Variants in UCHL3 observed in about 807,000 individuals in gnomAD.
UCHL3 encodes ubiquitin carboxyl-terminal hydrolase isozyme L3.
A neutral mutation model predicts 35.8 loss-of-function variants in UCHL3; 22 were observed. The ratio of observed to expected loss-of-function variants is 0.61; its 90% CI spans 0.44 to 0.88. UCHL3 has a LOEUF of 0.88. Ranked by LOEUF, UCHL3 falls within the 40% of genes least tolerant of loss-of-function variation. UCHL3 has a pLI of 0.00. For missense variants in UCHL3, 229 were observed against 276.9 expected, an observed-to-expected ratio of 0.83 and a Z score of 1.23; for synonymous variants, 90 against 92.8, an observed-to-expected ratio of 0.97 and a Z score of 0.17.
intron 3 of UCHL3, among the ~76,000 whole-genome samples, chr13:75,562,892 T>G (rs1021043126): frequency 1.3e-5 from 2 of 152,172 alleles, no homozygotes; most frequent in African/African-American, 4.8e-5. Context: ...TATAATAACA[T>G]GTAAGTAGAG....
chr13:75,590,145 C>A (rs1468927027), intron 6 of UCHL3: 2 of 1,294,178 alleles, frequency 1.5e-6, no homozygotes, highest in African/African-American at 1.5e-5. Context: ...TTTAGTCAAT[C>A]TTCCGTCTCT....
intron 2 of UCHL3, among the ~76,000 whole-genome samples, chr13:75,550,414 C>A (rs1187255064): frequency 2.6e-5 from 4 of 152,192 alleles, no homozygotes; most frequent in African/African-American, 9.7e-5. Context: ...GTAATTTCAT[C>A]CACCGCCTGC....
At chr13:75,555,617 T>TATA (rs8192739) in intron 2 of UCHL3, among the ~76,000 whole-genome samples, 109,520 of 151,266 alleles carry the variant, frequency 0.72, 42,664 homozygotes, top group Middle Eastern at 0.89. Flanking sequence ...AATTTTTTAT[T>TATA]ATAATAATAT....
At chr13:75,598,017 T>C (rs1187738115) in intron 7 of UCHL3, among the ~76,000 whole-genome samples, 2 of 152,204 alleles carry the variant, frequency 1.3e-5, no homozygotes, top group African/African-American at 2.4e-5. Flanking sequence ...CTTGTGGATA[T>C]AGAGTAGAGC....
chr13:75,594,164 A>G (rs2032582810), intron 6 of UCHL3, among the ~76,000 whole-genome samples: 1 of 152,230 alleles, frequency 6.6e-6, no homozygotes, highest in Non-Finnish European at 1.5e-5. Flanking sequence ...TGCCTTAGAA[A>G]TGTAGATATT....
At chr13:75,597,580 A>T (rs1436548967) in intron 7 of UCHL3, among the ~76,000 whole-genome samples, 1 of 152,200 alleles carries the variant, frequency 6.6e-6, no homozygotes, top group Admixed American at 6.5e-5. Flanking sequence ...ATTATGTATG[A>T]TAAGTAATCT....
At chr13:75,595,022 G>T in intron 7 of UCHL3, 32 bp downstream of exon 7, 2 of 1,501,794 alleles carry the variant, frequency 1.3e-6, no homozygotes, top group Non-Finnish European at 1.8e-6. Context: ...CCTGGGGAGA[G>T]AAATGGTAAA....
chr13:75,587,578 T>TA (rs747567254), intron 6 of UCHL3, among the ~76,000 whole-genome samples: 1 of 152,118 alleles, frequency 6.6e-6, no homozygotes, highest in Non-Finnish European at 1.5e-5. Context: ...GAAAAAAAGT[T>TA]ATGTAGAAAA....
At chr13:75,577,901 A>G (rs141609949) in intron 6 of UCHL3, among the ~76,000 whole-genome samples, 46 of 151,308 alleles carry the variant, frequency 3.0e-4, no homozygotes, top group African/African-American at 1.1e-3. Flanking sequence ...CAGCCCAGAT[A>G]TGGGTAGAGA....
chr13:75,582,667 A>G (rs1353384529), intron 6 of UCHL3, among the ~76,000 whole-genome samples: 1 of 152,246 alleles, frequency 6.6e-6, no homozygotes, highest in Non-Finnish European at 1.5e-5. Flanking sequence ...TCCAATTAGT[A>G]TGGAAGACAA....
intron 6 of UCHL3, among the ~76,000 whole-genome samples, chr13:75,573,872 C>A (rs117855413): frequency 1.4e-3 from 207 of 152,246 alleles, no homozygotes; most frequent in Non-Finnish European, 2.3e-3. Context: ...CCGGGTATAC[C>A]GCTGCTCTTT....
Position 75,556,070 on chromosome 13 carries a change from C to T in UCHL3, c.55-4683C>T, listed in dbSNP as rs59549415. Among the ~76,000 whole-genome samples the T allele has an allele frequency of 7.5e-3, 1,136 of 152,246 alleles. 17 individuals are homozygous for T. Among genetic ancestry groups the T allele is most frequent in the African/African-American group, 0.025 (1,038 of 41,538 alleles). ...TCATTGACTTTCATAAAATATGCCTCCTATAGGCATATTTTCTGCTGAGTA... is the reference window on the plus strand; with the variant it reads ...TCATTGACTTTCATAAAATATGCCTTCTATAGGCATATTTTCTGCTGAGTA... On this transcript the variant is annotated intron_variant, in intron 2 of 8. Coordinates refer to ENST00000377595, the MANE Select transcript of UCHL3 (RefSeq NM_006002.5).
chr13:75,570,494 CCATAGTGCTGGGATT>C (rs1566216165), intron 6 of UCHL3, among the ~76,000 whole-genome samples: 1 of 152,148 alleles, frequency 6.6e-6, no homozygotes, highest in East Asian at 1.9e-4. Flanking sequence ...TCTCAGCCTC[CCATAGTGCTGGGATT>C]ACAGGCGTGA....
intron 6 of UCHL3, among the ~76,000 whole-genome samples, chr13:75,592,447 T>TACATATATAC (rs1450594855): frequency 5.4e-4 from 58 of 107,822 alleles, no homozygotes; most frequent in Non-Finnish European, 8.9e-4. Flanking sequence ...TATATATATA[T>TACATATATAC]ATATATATAT....
chr13:75,576,761 G>GGTTGT (rs2032036210), intron 6 of UCHL3, among the ~76,000 whole-genome samples: 1 of 152,170 alleles, frequency 6.6e-6, no homozygotes, highest in South Asian at 2.1e-4. Flanking sequence ...CTAATGTGTT[G>GGTTGT]GTTGTGTGTG....
intron 6 of UCHL3, among the ~76,000 whole-genome samples, chr13:75,589,015 C>G (rs1024996002): frequency 1.3e-5 from 2 of 152,088 alleles, no homozygotes; most frequent in African/African-American, 4.8e-5. Flanking sequence ...AAAAGGTGTT[C>G]CCAAAATACC....
At position 75,549,792 on chromosome 13, in the gene UCHL3, T is replaced by G; in HGVS notation, c.-29T>G. 3 of 1,503,888 alleles carry G rather than the reference T, an allele frequency of 2.0e-6. No homozygotes were observed. Among genetic ancestry groups the G allele is most frequent in the Non-Finnish European group, 2.6e-6 (3 of 1,135,830 alleles). The allele number at this position is 1,503,888 out of a possible 1,614,324, so 93.2% of individuals were successfully genotyped here. On this transcript the variant is annotated 5_prime_UTR_variant, in exon 1 of 9. Coordinates refer to ENST00000377595, the MANE Select transcript of UCHL3 (RefSeq NM_006002.5). ...GCGGCGGCGGCGAAGGCGGCGGCTG[T>G]CAGAGCTGGAGGGCCGGGCACCGCG...
chr13:75,588,476 A>G (rs1168524501), intron 6 of UCHL3, among the ~76,000 whole-genome samples: 1 of 152,164 alleles, frequency 6.6e-6, no homozygotes, highest in Non-Finnish European at 1.5e-5. Flanking sequence ...TATCTGTGAG[A>G]GAAGACATTA....
chr13:75,593,516 A>G (rs888422092), intron 6 of UCHL3, among the ~76,000 whole-genome samples: 4 of 152,208 alleles, frequency 2.6e-5, no homozygotes, highest in Non-Finnish European at 5.9e-5. Context: ...CTGTCTAACA[A>G]TGGAATGGAC....
Sources: gnomAD v4.1 joint callset for allele counts (sites outside exome capture counted in the v4.1 genomes callset) on GRCh38, gnomAD v4.1.1 for gene constraint, MANE v1.5 for transcripts, NCBI Gene and HGNC (gene_info 2026-07-23, HGNC 2026-07-21) for gene names.